The following DDX21 variants were observed in gnomAD, a reference collection of about 807,000 sequenced individuals.
DDX21 encodes the protein nucleolar RNA helicase 2.
A neutral mutation model predicts 90.0 loss-of-function variants in DDX21; 18 were observed. The observed-to-expected ratio is 0.20, with a 90% CI of 0.14 to 0.30. The LOEUF is 0.30. Ranked by LOEUF, DDX21 falls within the 10% of genes least tolerant of loss-of-function variation. The pLI is 1.00. For synonymous variants in DDX21, 294 were observed against 318.0 expected (o/e 0.92, Z 0.80); for missense variants, 673 against 944.5 (o/e 0.71, Z 3.77).
intron 3 of DDX21, 51 bp from the exon 4 acceptor site, chr10:68,963,240 C>A: frequency 6.5e-7 from 1 of 1,536,154 alleles, no homozygotes; most frequent in Non-Finnish European, 8.8e-7. Flanking sequence ...GTCAGTATGG[C>A]TAATGTTTTA....
intron 11 of DDX21, 122 bp from the exon 12 acceptor site, chr10:68,977,407 C>A: frequency 1.1e-6 from 1 of 930,968 alleles, no homozygotes; most frequent in Non-Finnish European, 1.6e-6. Context: ...TATACTGCAT[C>A]AAAAATAAAT....
At chr10:68,972,703 A>G (rs1222736480) in intron 9 of DDX21, among the ~76,000 whole-genome samples, 1 of 152,172 alleles carries the variant, frequency 6.6e-6, no homozygotes, top group Non-Finnish European at 1.5e-5. Context: ...AGACTTTTTG[A>G]TATGGTAGCC....
At chr10:68,967,613 A>G (rs970187263) in intron 6 of DDX21, among the ~76,000 whole-genome samples, 9 of 152,174 alleles carry the variant, frequency 5.9e-5, no homozygotes, top group Admixed American at 5.9e-4. Flanking sequence ...ATGATTTATC[A>G]TATTACCACA....
intron 5 of DDX21, 125 bp from the exon 6 acceptor site, chr10:68,966,893 A>C: frequency 1.5e-6 from 1 of 661,380 alleles, no homozygotes. Flanking sequence ...ATTACTTAGC[A>C]TATTACTTTG....
chr10:68,979,556 G>A (rs1300610820), intron 13 of DDX21, among the ~76,000 whole-genome samples: 4 of 152,146 alleles, frequency 2.6e-5, no homozygotes, highest in Admixed American at 6.5e-5. Flanking sequence ...TCAGAGCAAT[G>A]ATTTTATCAC....
chr10:68,958,403 G>A (rs111296206), intron 1 of DDX21, among the ~76,000 whole-genome samples: 4,928 of 151,886 alleles, frequency 0.032, 110 homozygotes, highest in Non-Finnish European at 0.047. Flanking sequence ...TAAGTAGCTA[G>A]GAGTATAGGT....
At chr10:68,965,809 G>A (rs1487759432) in intron 5 of DDX21, among the ~76,000 whole-genome samples, 1 of 152,102 alleles carries the variant, frequency 6.6e-6, no homozygotes, top group South Asian at 2.1e-4. Context: ...CCTCTTGTCT[G>A]TCAGGACCTT....
chr10:68,961,888 T>C (rs1368152203), intron 2 of DDX21, among the ~76,000 whole-genome samples, 194 bp from the exon 3 acceptor site: 1 of 152,254 alleles, frequency 6.6e-6, no homozygotes, highest in East Asian at 1.9e-4. Flanking sequence ...TAAAGTTTTA[T>C]AGATTTATGA....
At chr10:68,970,853 G>A (rs1241136523) in intron 8 of DDX21, among the ~76,000 whole-genome samples, 6 of 151,180 alleles carry the variant, frequency 4.0e-5, no homozygotes, top group South Asian at 2.1e-4. Flanking sequence ...GGGTTTCACC[G>A]TGTTGGCCGG....
chr10:68,968,218 A>G (rs1019606425), intron 6 of DDX21, among the ~76,000 whole-genome samples: 3 of 151,886 alleles, frequency 2.0e-5, no homozygotes, highest in Admixed American at 2.0e-4. Context: ...CACTCAGGCT[A>G]TAGTACAGTG....
In DDX21 at chr10:68,983,616, C is replaced by T. The variant is rs747632915; in HGVS notation, c.*804C>T. 3.4e-5 allele frequency: 5 copies of T among 146,464 alleles called. No individual in the cohort carries two copies. The South Asian group carries it at 1.1e-3, about 33-fold the overall frequency. The allele number at this position is 146,464 out of a possible 1,614,324, so 9.1% of individuals were successfully genotyped here. A position where few individuals can be genotyped will look rare whatever the true frequency, so the allele number is the denominator to read the frequency against. ...GCTTAAATGGTAATGTACTCCACTT[C>T]TTCCTATTGGAAGATTAACATTATT... On this transcript the variant is annotated 3_prime_UTR_variant, in exon 15 of 15. Transcript: ENST00000354185.
chr10:68,965,226 C>G, intron 4 of DDX21, 151 bp from the exon 5 acceptor site: 1 of 560,986 alleles, frequency 1.8e-6, no homozygotes, highest in Non-Finnish European at 3.1e-6. Context: ...AGTCTCAGAT[C>G]TATTAGACAA....
In DDX21 at chr10:68,967,246, A is replaced by G. The variant is rs567738706; in HGVS notation, c.1090+43A>G. 1.0e-4 allele frequency: 158 copies of G among 1,581,862 alleles called. No individual in the cohort carries two copies. In the Admixed American group the frequency reaches 1.8e-3, roughly 18 times the overall value. On this transcript the variant is annotated intron_variant, in intron 6 of 14. Coordinates refer to ENST00000354185, the MANE Select transcript of DDX21 (RefSeq NM_004728.4). ...GAAGCTGATAAAAAAGACCAAAGGA[A>G]GGGTGGTAACTCTGTCTCCTGGGTT...
chr10:68,970,955 ATT>A (rs56314802), intron 8 of DDX21, among the ~76,000 whole-genome samples: 44 of 72,542 alleles, frequency 6.1e-4, no homozygotes, highest in Admixed American at 1.5e-3. Context: ...GCCCAGCCTA[ATT>A]TTTTTTTTTT....
intron 5 of DDX21, among the ~76,000 whole-genome samples, chr10:68,966,758 C>G (rs761447501): frequency 3.7e-4 from 57 of 152,232 alleles, no homozygotes; most frequent in Non-Finnish European, 3.1e-4. Flanking sequence ...TCTTTTATGT[C>G]ACTTTGTACA....
chr10:68,962,889 A>G (rs1842890889), intron 3 of DDX21, among the ~76,000 whole-genome samples: 1 of 152,224 alleles, frequency 6.6e-6, no homozygotes, highest in African/African-American at 2.4e-5. Flanking sequence ...AGGCTTATGG[A>G]TGAGACTTCA....
At chr10:68,959,427 A>G (rs1002921450) in intron 1 of DDX21, among the ~76,000 whole-genome samples, 2 of 152,210 alleles carry the variant, frequency 1.3e-5, no homozygotes, top group Admixed American at 1.3e-4. Context: ...TCAGGAGTGG[A>G]GGTTTCAGTG....
intron 7 of DDX21, among the ~76,000 whole-genome samples, chr10:68,969,583 T>C (rs182676712): frequency 5.3e-5 from 8 of 152,318 alleles, no homozygotes; most frequent in African/African-American, 1.9e-4. Context: ...CGGCCCGATA[T>C]CTGTGTTTTT....
chr10:68,978,266 G>A (rs958001294), intron 12 of DDX21, among the ~76,000 whole-genome samples: 9 of 152,176 alleles, frequency 5.9e-5, no homozygotes, highest in African/African-American at 2.2e-4. Context: ...ATTCTTTTGG[G>A]TGGATTATGC....
Sources: gnomAD v4.1 joint callset for allele counts (sites outside exome capture counted in the v4.1 genomes callset) on GRCh38, gnomAD v4.1.1 for gene constraint, MANE v1.5 for transcripts, NCBI Gene and HGNC (gene_info 2026-07-23, HGNC 2026-07-21) for gene names.